TSBP1: variants seen among roughly 807,000 people sequenced by gnomAD.
TSBP1 encodes testis-expressed basic protein 1.
TSBP1 carries 56 observed loss-of-function variants against 68.8 expected under a neutral mutation model. That is an observed-to-expected ratio of 0.81 (90% confidence interval 0.66 to 1.02). The LOEUF is 1.02. Among genes scored for constraint, TSBP1 ranks in the 50% least tolerant of loss-of-function variants. TSBP1 has a pLI of 0.00. For synonymous variants in TSBP1, 171 were observed against 208.7 expected, an observed-to-expected ratio of 0.82 and a Z score of 1.56; for missense variants, 502 against 641.2, an observed-to-expected ratio of 0.78 and a Z score of 2.34.
chr6:32,319,236 A>G (rs904705913), intron 18 of TSBP1, among the ~76,000 whole-genome samples: 7 of 152,196 alleles, frequency 4.6e-5, no homozygotes, highest in Non-Finnish European at 5.9e-5. Flanking sequence ...AATCACATTC[A>G]GTCGAACAGC....
In TSBP1 at chr6:32,322,472, A is replaced by G; in HGVS notation, c.559+645T>C. ...AGTCCCCACATATGACCAGCTGAGA[A>G]GTAGAGTACTTACTTGCGGTTCTCT... On this transcript the variant is annotated intron_variant, in intron 18 of 22. Transcript: ENST00000612031. 1 of 1,593,062 alleles carries G rather than the reference A, an allele frequency of 6.3e-7. No individual in the cohort carries two copies. The highest frequency in any genetic ancestry group is 8.6e-7 in the Non-Finnish European group (1 of 1,161,822).
chr6:32,319,309 C>A (rs1258235347), intron 18 of TSBP1, among the ~76,000 whole-genome samples: 1 of 149,172 alleles, frequency 6.7e-6, no homozygotes, highest in Admixed American at 6.9e-5. Context: ...CACTTCCACT[C>A]TGATCACTCT....
intron 14 of TSBP1, among the ~76,000 whole-genome samples, chr6:32,334,344 C>T (rs1769400048): frequency 6.6e-6 from 1 of 152,164 alleles, no homozygotes; most frequent in African/African-American, 2.4e-5. Flanking sequence ...CTCATTCTCT[C>T]ACTTTTTCTC....
At position 32,306,222 on chromosome 6, in the gene TSBP1, A is replaced by G. The variant is rs1016774755; in HGVS notation, c.581-3593T>C. Among the ~76,000 whole-genome samples, 1 of 152,224 alleles carries G rather than the reference A, an allele frequency of 6.6e-6. No homozygotes were observed. The highest frequency in any genetic ancestry group is 1.5e-5 in the Non-Finnish European group (1 of 68,036). Reference sequence around the variant, plus strand: ...CTAACTGTACGACTAAGGGGGAATTATGTAAACAACTAATTATGTTTTGTT... The same window carrying G: ...CTAACTGTACGACTAAGGGGGAATTGTGTAAACAACTAATTATGTTTTGTT... On this transcript the variant is annotated intron_variant, in intron 19 of 22. Coordinates refer to ENST00000612031, the Ensembl canonical transcript of TSBP1. The surrounding 1 kb of genome is among the most constrained non-coding windows in gnomAD (Gnocchi z 5.1).
chr6:32,303,986 T>C (rs1765546315), intron 19 of TSBP1, among the ~76,000 whole-genome samples: 1 of 152,182 alleles, frequency 6.6e-6, no homozygotes, highest in Non-Finnish European at 1.5e-5. Context: ...TAGTGTATTA[T>C]TTCCATAGTC....
chr6:32,293,689 T>C (rs1764404588), exon 23 of TSBP1: 2 of 1,613,070 alleles, frequency 1.2e-6, no homozygotes, highest in Non-Finnish European at 1.7e-6. Context: ...TTGGTACATC[T>C]GACACACTTT....
chr6:32,367,332 AT>A (rs1773872621), intron 4 of TSBP1, among the ~76,000 whole-genome samples: 1 of 151,984 alleles, frequency 6.6e-6, no homozygotes, highest in Admixed American at 6.5e-5. Context: ...GAAAGAGAAC[AT>A]TGAGTGTTGG....
rs4711293 is a variant in TSBP1, at chr6:32,331,099, C to A, written c.494-490G>T. Among the ~76,000 whole-genome samples the A allele has an allele frequency of 6.7e-3, 1,022 of 152,312 alleles. 19 individuals are homozygous for A. The highest frequency in any genetic ancestry group is 0.02 in the East Asian group (102 of 5,192). On this transcript the variant is annotated intron_variant, in intron 15 of 22. Coordinates refer to ENST00000612031, the Ensembl canonical transcript of TSBP1. ...CTGTACTCTAGCCTCTCCATAAGAA[C>A]CAGATCTTCTTTTAGGAGATTATTA...
At chr6:32,360,871 T>TG (rs1379759861) in intron 6 of TSBP1, among the ~76,000 whole-genome samples, 1 of 130,142 alleles carries the variant, frequency 7.7e-6, no homozygotes, top group African/African-American at 2.5e-5. Flanking sequence ...TATTTTGTTT[T>TG]TTTCTCTCTC....
chr6:32,355,554 A>G, intron 7 of TSBP1, 95 bp downstream of exon 7: 1 of 1,480,062 alleles, frequency 6.8e-7, no homozygotes, highest in Non-Finnish European at 9.2e-7. Flanking sequence ...GACTTGACAT[A>G]TGACAGGATT....
rs895198864 is a variant in TSBP1, at chr6:32,336,551, G to A, written c.430+64C>T. 1.9e-5 allele frequency: 25 copies of A among 1,339,412 alleles called. No homozygotes were observed. The highest frequency in any genetic ancestry group is 3.5e-5 in the Admixed American group (2 of 57,818). 83.0% of individuals were successfully genotyped at this position (1,339,412 alleles called of 1,614,324 possible). A position where few individuals can be genotyped will look rare whatever the true frequency, so the allele number is the denominator to read the frequency against. On this transcript the variant is annotated intron_variant, in intron 12 of 22. Coordinates refer to ENST00000612031, the Ensembl canonical transcript of TSBP1. The surrounding 1 kb of genome is among the most constrained non-coding windows in gnomAD (Gnocchi z 5.2). Reference sequence around the variant, plus strand: ...TTTTTAAAAATGCAGGGCAGATCAGGCCCCAAGACCTTGTAGGTCAGATAT... The same window carrying A: ...TTTTTAAAAATGCAGGGCAGATCAGACCCCAAGACCTTGTAGGTCAGATAT...
intron 6 of TSBP1, among the ~76,000 whole-genome samples, chr6:32,358,085 T>C (rs1037751822): frequency 1.3e-5 from 2 of 152,200 alleles, no homozygotes; most frequent in African/African-American, 4.8e-5. Context: ...GGGTTGTTTG[T>C]AGATATTCAA....
At chr6:32,307,047 A>G (rs1221556296) in intron 19 of TSBP1, among the ~76,000 whole-genome samples, 5 of 151,142 alleles carry the variant, frequency 3.3e-5, no homozygotes, top group African/African-American at 4.9e-5. Flanking sequence ...TTATTTTTAA[A>G]TACTTTTCAT....
At chr6:32,350,067 G>A (rs776017449) in intron 8 of TSBP1, 1 of 656,386 alleles carries the variant, frequency 1.5e-6, no homozygotes, top group South Asian at 1.5e-5. Context: ...GTCCCTATAA[G>A]TCTTCTTTCA....
At position 32,335,643 on chromosome 6, in the gene TSBP1, C is replaced by T. The variant is rs1769562193; in HGVS notation, c.452-186G>A. The stretch of plus-strand genomic sequence containing the variant: ...GGCAAACTAGTACATATAAGGGCCT[C>T]CTCATCTAAAAATCCCTTGTGTGAT... On this transcript the variant is annotated intron_variant, in intron 13 of 22. Transcript: ENST00000612031. The surrounding 1 kb of genome is among the most constrained non-coding windows in gnomAD (Gnocchi z 5.5). Among the ~76,000 whole-genome samples the T allele has an allele frequency of 6.6e-6, 1 of 152,136 alleles. No homozygotes were observed. The highest frequency in any genetic ancestry group is 1.5e-5 in the Non-Finnish European group (1 of 68,028).
At chr6:32,362,726 C>T (rs1005817535) in intron 6 of TSBP1, among the ~76,000 whole-genome samples, 2 of 152,192 alleles carry the variant, frequency 1.3e-5, no homozygotes, top group Non-Finnish European at 2.9e-5. Flanking sequence ...AGACCAATGT[C>T]ATGGAACTTT....
rs185663703 is a variant in TSBP1 at position 32,304,666 on chromosome 6, T to G, written c.581-2037A>C. Among the ~76,000 whole-genome samples the G allele has an allele frequency of 1.6e-3, 239 of 152,316 alleles. 10 individuals are homozygous for G. The East Asian group carries it at 0.033, about 21-fold the overall frequency. On this transcript the variant is annotated intron_variant, in intron 19 of 22. Transcript: ENST00000612031. The surrounding 1 kb of genome is among the most constrained non-coding windows in gnomAD (Gnocchi z 4.8). ...AAGGTTACTAATTTATGTTCTCTCT[T>G]CATCGTCTTTTTTGTCTTTTCATGT...
At chr6:32,349,788 T>G (rs780971301) in exon 9 of TSBP1, 7 of 1,610,460 alleles carry the variant, frequency 4.3e-6, no homozygotes, top group Non-Finnish European at 5.9e-6. Flanking sequence ...AAAAGAAGAA[T>G]GAGTTCTGTT....
At chr6:32,322,334 C>T (rs1767722280) in intron 18 of TSBP1, 152 bp downstream of exon 20, 2 of 617,332 alleles carry the variant, frequency 3.2e-6, no homozygotes, top group Admixed American at 2.6e-5. Context: ...ACTACAGTTA[C>T]GAATCAAAAA....
Sources: allele counts gnomAD v4.1 joint callset (sites outside exome capture counted in the v4.1 genomes callset), GRCh38; gene constraint gnomAD v4.1.1; non-coding constraint Gnocchi (gnomAD v3.1); transcripts MANE v1.5; gene names NCBI Gene and HGNC (gene_info 2026-07-23, HGNC 2026-07-21).